Variants in DYNC2I1 observed in about 807,000 individuals in gnomAD.
The protein encoded by DYNC2I1 is cytoplasmic dynein 2 intermediate chain 1.
DYNC2I1 carries 89 observed loss-of-function variants against 133.4 expected under a neutral mutation model. The observed-to-expected ratio is 0.67, with a 90% CI of 0.56 to 0.80. The LOEUF is 0.80. DYNC2I1 is among the 30% of genes least tolerant of loss of function. DYNC2I1 has a pLI of 0.00. For missense variants in DYNC2I1, 1,291 were observed against 1,314.5 expected, an observed-to-expected ratio of 0.98 and a Z score of 0.28; for synonymous variants, 504 against 484.3, an observed-to-expected ratio of 1.04 and a Z score of -0.54.
chr7:158,842,052 G>A, the DYNC2I1 span, among the ~76,000 whole-genome samples: 6 of 152,096 alleles, frequency 3.9e-5, no homozygotes, highest in East Asian at 1.9e-4. Flanking sequence ...GTTTTGAGAC[G>A]GAGTCTTGCT....
intron 1 of DYNC2I1, among the ~76,000 whole-genome samples, chr7:158,868,552 C>G (rs1022335580): frequency 6.6e-6 from 1 of 152,218 alleles, no homozygotes; most frequent in Admixed American, 6.5e-5. Context: ...TCTGCGCAGC[C>G]CCAGCTCTGC....
At chr7:158,857,854 G>A (rs1004337444) in intron 1 of DYNC2I1, among the ~76,000 whole-genome samples, 2 of 145,544 alleles carry the variant, frequency 1.4e-5, no homozygotes, top group Non-Finnish European at 3.0e-5. Flanking sequence ...ACAGTGGCAC[G>A]ATCTCTACTC....
intron 22 of DYNC2I1, 76 bp downstream of exon 22, chr7:158,934,304 T>C: frequency 6.6e-7 from 1 of 1,522,722 alleles, no homozygotes; most frequent in Non-Finnish European, 8.8e-7. Flanking sequence ...TATCTTGATT[T>C]AGGATTAACT....
intron 11 of DYNC2I1, among the ~76,000 whole-genome samples, chr7:158,906,375 T>G (rs1253606713): frequency 6.6e-6 from 1 of 152,216 alleles, no homozygotes; most frequent in Non-Finnish European, 1.5e-5. Flanking sequence ...TTTAGAAATC[T>G]ATAAAAGATA....
chr7:158,864,107 T>C (rs1842181451), intron 1 of DYNC2I1, among the ~76,000 whole-genome samples: 1 of 140,594 alleles, frequency 7.1e-6, no homozygotes, highest in Non-Finnish European at 1.6e-5. Flanking sequence ...AGGGACGTCC[T>C]TAGCTCCGGG....
intron 3 of DYNC2I1, among the ~76,000 whole-genome samples, chr7:158,871,900 A>G (rs966432075): frequency 6.6e-6 from 1 of 151,992 alleles, no homozygotes; most frequent in African/African-American, 2.4e-5. Flanking sequence ...TTCATTTGTT[A>G]TTTTTGTTTT....
intron 11 of DYNC2I1, among the ~76,000 whole-genome samples, chr7:158,907,531 C>G (rs902245057): frequency 3.3e-5 from 5 of 149,804 alleles, no homozygotes; most frequent in African/African-American, 2.4e-5. Flanking sequence ...TCATTGGTTG[C>G]CTTCCCTCCC....
the DYNC2I1 span, among the ~76,000 whole-genome samples, chr7:158,845,565 T>C: frequency 6.6e-6 from 1 of 152,184 alleles, no homozygotes; most frequent in Non-Finnish European, 1.5e-5. Flanking sequence ...TTTTGATAAA[T>C]AAGACATTTA....
the DYNC2I1 span, among the ~76,000 whole-genome samples, chr7:158,849,925 G>A: frequency 2.0e-5 from 3 of 152,244 alleles, no homozygotes; most frequent in Non-Finnish European, 2.9e-5. Flanking sequence ...ACTGCAGCCT[G>A]GCCTCCAGCC....
At position 158,938,761 on chromosome 7, in the gene DYNC2I1, C is replaced by T. The variant is rs1425371257; in HGVS notation, c.2779-3164C>T. ...ACAGAGTGAAACTCCATCTCAACAA[C>T]AACAACAACAACAAAAGAAATGCTA... On this transcript the variant is annotated intron_variant, in intron 23 of 24. Transcript: ENST00000407559. Among the ~76,000 whole-genome samples, 2 of 151,626 alleles carry T rather than the reference C, an allele frequency of 1.3e-5. 1 individual carries two copies. The highest frequency in any genetic ancestry group is 4.2e-4 in the South Asian group (2 of 4,804).
chr7:158,861,693 T>C (rs1016161891), intron 1 of DYNC2I1, among the ~76,000 whole-genome samples: 3 of 152,200 alleles, frequency 2.0e-5, no homozygotes, highest in African/African-American at 7.2e-5. Context: ...ACACAGGTGC[T>C]CCCTGCAGCC....
rs370323304 is a variant in DYNC2I1 at position 158,934,497 on chromosome 7, C to T, written c.2726C>T (p.Pro909Leu). 1.5e-5 allele frequency: 23 copies of T among 1,571,008 alleles called. No individual in the cohort carries two copies. Among genetic ancestry groups the T allele is most frequent in the African/African-American group, 4.1e-5 (3 of 73,936 alleles). Residue 909 changes from proline to leucine, a missense_variant, in exon 23 of 25, where the codon CCA (proline) becomes CTA (leucine). Physicochemically the swap from Pro to Leu is moderately conservative, Grantham distance 98. Coordinates refer to ENST00000407559, the MANE Select transcript of DYNC2I1 (RefSeq NM_018051.5). Reference protein sequence around the residue: ...LFKPQQHGIRPVKVNVIDFSP... With the variant: ...LFKPQQHGIRLVKVNVIDFSP... Reference sequence around the variant, plus strand: ...AAACCTCAGCAACATGGTATAAGACCAGTGAAAGTTAATGTCATTGATTTT... The same window carrying T: ...AAACCTCAGCAACATGGTATAAGACTAGTGAAAGTTAATGTCATTGATTTT...
rs1584918752 is a variant in DYNC2I1 at position 158,856,837 on chromosome 7, CT to C, written c.15+90del. 5.8e-6 allele frequency: 7 copies of C among 1,211,780 alleles called. No homozygotes were observed. The East Asian group carries it at 2.2e-4, about 39-fold the overall frequency. The allele number at this position is 1,211,780 out of a possible 1,614,324, so 75.1% of individuals were successfully genotyped here. ...GCTAGCAGCGCCGCCGCCGCCCTCC[CT>C]TTGCGCAGCGGTTCTCTCGGCCGGG... On this transcript the variant is annotated intron_variant, in intron 1 of 24. Coordinates refer to ENST00000407559, the MANE Select transcript of DYNC2I1 (RefSeq NM_018051.5).
chr7:158,904,981 A>T, intron 10 of DYNC2I1: 1 of 285,694 alleles, frequency 3.5e-6, no homozygotes, highest in Non-Finnish European at 6.9e-6. Context: ...TGAAAAGACG[A>T]TAAGATGCAG....
chr7:158,856,805 G>GGGCGCCGCTAGC, intron 1 of DYNC2I1, 55 bp downstream of exon 1: 1 of 1,230,796 alleles, frequency 8.1e-7, no homozygotes. Context: ...GGACTCCTTC[G>GGGCGCCGCTAGC]GGCGCCGCTA....
At chr7:158,873,658 G>T (rs75740804) in intron 3 of DYNC2I1, among the ~76,000 whole-genome samples, 9,469 of 152,222 alleles carry the variant, frequency 0.062, 382 homozygotes, top group African/African-American at 0.11. Context: ...TCAGGGTCTT[G>T]CCCTGTCGCC....
At chr7:158,888,516 G>T (rs530896057) in intron 7 of DYNC2I1, among the ~76,000 whole-genome samples, 1 of 151,988 alleles carries the variant, frequency 6.6e-6, no homozygotes, top group South Asian at 2.1e-4. Flanking sequence ...CTGTTGCCCA[G>T]GCTGGAGTGC....
At chr7:158,847,071 A>C in the DYNC2I1 span, among the ~76,000 whole-genome samples, 1 of 152,378 alleles carries the variant, frequency 6.6e-6, no homozygotes, top group East Asian at 1.9e-4. Flanking sequence ...AGTGCTTATC[A>C]GACTCATAAA....
intron 1 of DYNC2I1, among the ~76,000 whole-genome samples, chr7:158,858,875 C>A (rs1205478643): frequency 1.7e-5 from 1 of 59,034 alleles, no homozygotes; most frequent in Admixed American, 1.9e-4. Flanking sequence ...CTTTCCCCTG[C>A]CCTCCCCTTT....
Sources: gnomAD v4.1 joint callset for allele counts (sites outside exome capture counted in the v4.1 genomes callset) on GRCh38, gnomAD v4.1.1 for gene constraint, MANE v1.5 for transcripts, NCBI Gene and HGNC (gene_info 2026-07-23, HGNC 2026-07-21) for gene names.